The following ABCA13 variants were observed in gnomAD, a reference collection of about 807,000 sequenced individuals.
The protein encoded by ABCA13 is ATP binding cassette subfamily A member 13.
A neutral mutation model predicts 478.7 loss-of-function variants in ABCA13; 476 were observed. The ratio of observed to expected loss-of-function variants is 0.99; its 90% confidence interval spans 0.92 to 1.07. The LOEUF (loss-of-function observed/expected upper bound fraction) is 1.07, where lower values mean the gene tolerates loss of function less well. Among genes scored for constraint, ABCA13 ranks in the 50% least tolerant of loss-of-function variants. ABCA13 has a pLI of 0.00. For synonymous variants in ABCA13, 2,252 were observed against 2,158.9 expected, an observed-to-expected ratio of 1.04 and a Z score of -1.20; for missense variants, 6,060 against 5,910.6, an observed-to-expected ratio of 1.03 and a Z score of -0.83.
chr7:48,547,561 T>C (rs1784928993), intron 55 of ABCA13, among the ~76,000 whole-genome samples: 1 of 151,886 alleles, frequency 6.6e-6, no homozygotes, highest in Non-Finnish European at 1.5e-5. Context: ...GCACCCAGAA[T>C]ACAGTATGTG....
In ABCA13 at chr7:48,273,638, C is replaced by A; in HGVS notation, c.3972C>A (p.Ile1324=). The change falls in exon 17 of 62, where the codon ATC becomes ATA. Residue 1324 remains isoleucine, a synonymous_variant. Coordinates refer to ENST00000435803, the MANE Select transcript of ABCA13 (RefSeq NM_152701.5). ...TNYGEKFENI[I]TELREAIVFL... ...ATGGAGAAAAATTTGAAAATATCAT[C>A]ACTGAGCTAAGAGAAGCAATAGTAT... is the stretch of plus-strand genomic sequence containing the variant. 1 of 1,605,654 alleles carries A rather than the reference C, an allele frequency of 6.2e-7. No individual in the cohort carries two copies. The highest frequency in any genetic ancestry group is 8.5e-7 in the Non-Finnish European group (1 of 1,175,432).
intron 15 of ABCA13, among the ~76,000 whole-genome samples, chr7:48,260,705 A>G (rs1354059329): frequency 6.6e-6 from 1 of 151,966 alleles, no homozygotes; most frequent in Non-Finnish European, 1.5e-5. Flanking sequence ...TGGTCTATAA[A>G]TGTATAAATG....
At chr7:48,530,048 CTT>C (rs1833120802) in intron 55 of ABCA13, among the ~76,000 whole-genome samples, 1 of 152,044 alleles carries the variant, frequency 6.6e-6, no homozygotes, top group African/African-American at 2.4e-5. Flanking sequence ...ATTGTGTAGT[CTT>C]TTATCCCTCA....
chr7:48,208,662 C>T, intron 3 of ABCA13, among the ~76,000 whole-genome samples: 1 of 151,854 alleles, frequency 6.6e-6, no homozygotes, highest in East Asian at 1.9e-4. Context: ...ATTTTGTATC[C>T]TGCAACTTTA....
At chr7:48,234,216 T>A in intron 8 of ABCA13, 65 bp downstream of exon 8, 1 of 1,611,102 alleles carries the variant, frequency 6.2e-7, no homozygotes, top group Non-Finnish European at 8.5e-7. Context: ...TAGAGCATGC[T>A]GCTGGGGCAG....
chr7:48,592,193 A>G (rs1196444038), intron 57 of ABCA13, among the ~76,000 whole-genome samples: 1 of 126,610 alleles, frequency 7.9e-6, no homozygotes, highest in Non-Finnish European at 1.5e-5. Context: ...TTTATTTGAA[A>G]TCTTTCTTTT....
chr7:48,284,887 G>A (rs1797515338), intron 19 of ABCA13, among the ~76,000 whole-genome samples: 2 of 152,114 alleles, frequency 1.3e-5, no homozygotes, highest in Non-Finnish European at 2.9e-5. Flanking sequence ...TGGGCAAATA[G>A]CCCCTCCTCT....
rs114745160 is a variant in ABCA13 at position 48,509,386 on chromosome 7, A to C, written c.13524+1337A>C. Among the ~76,000 whole-genome samples the C allele has an allele frequency of 6.2e-3, 937 of 152,300 alleles. 9 individuals are homozygous for C. Among genetic ancestry groups the C allele is most frequent in the African/African-American group, 0.022 (895 of 41,552 alleles). ...TGTCATTTAACAGTGTCTAAGGGCC[A>C]CAACTTTCCCAGATAAAAGGGAAGA... On this transcript the variant is annotated intron_variant, in intron 50 of 61. Transcript: ENST00000435803.
At chr7:48,450,836 TAAAC>T (rs1355987787) in intron 42 of ABCA13, among the ~76,000 whole-genome samples, 3 of 152,188 alleles carry the variant, frequency 2.0e-5, no homozygotes, top group Admixed American at 1.3e-4. Context: ...CAAAATGTAA[TAAAC>T]ATTCTCTATG....
chr7:48,449,726 T>C (rs963698651), intron 42 of ABCA13, among the ~76,000 whole-genome samples: 3 of 152,334 alleles, frequency 2.0e-5, no homozygotes, highest in Non-Finnish European at 4.4e-5. Flanking sequence ...ACAGATGCAA[T>C]GATTTATGTC....
intron 29 of ABCA13, among the ~76,000 whole-genome samples, chr7:48,342,209 A>C (rs1336804977): frequency 1.3e-5 from 2 of 152,098 alleles, no homozygotes; most frequent in Non-Finnish European, 2.9e-5. Flanking sequence ...ATACGATTTC[A>C]TTTGCTTAAC....
intron 53 of ABCA13, 116 bp downstream of exon 53, chr7:48,520,410 A>G: frequency 8.5e-7 from 1 of 1,182,340 alleles, no homozygotes; most frequent in Non-Finnish European, 1.1e-6. Flanking sequence ...CATTATACAT[A>G]GTTCTAATGC....
At chr7:48,171,646 G>A in intron 1 of ABCA13, 94 bp downstream of exon 1, 8 of 1,351,580 alleles carry the variant, frequency 5.9e-6, no homozygotes, top group Admixed American at 2.0e-5. Flanking sequence ...CTCCTGGCAG[G>A]TAAAAACACT....
intron 20 of ABCA13, among the ~76,000 whole-genome samples, chr7:48,293,957 A>C (rs1304950918): frequency 6.6e-6 from 1 of 152,182 alleles, no homozygotes; most frequent in Non-Finnish European, 1.5e-5. Flanking sequence ...TGTACTGCTG[A>C]CCTTCAGAGC....
chr7:48,489,549 C>A (rs1348953254), intron 48 of ABCA13, among the ~76,000 whole-genome samples: 1 of 152,112 alleles, frequency 6.6e-6, no homozygotes, highest in Admixed American at 6.6e-5. Context: ...TTTTCTTGAA[C>A]CTGTAACCTC....
chr7:48,351,741 C>T (rs1363448177), intron 30 of ABCA13, among the ~76,000 whole-genome samples: 7 of 152,144 alleles, frequency 4.6e-5, no homozygotes, highest in Admixed American at 4.6e-4. Context: ...CACGATTTAG[C>T]TGTGATAGGC....
intron 20 of ABCA13, among the ~76,000 whole-genome samples, chr7:48,292,534 C>T (rs1339428859): frequency 6.6e-6 from 1 of 152,026 alleles, no homozygotes; most frequent in Admixed American, 6.6e-5. Context: ...AATAGGTGTC[C>T]GATTTCTAAG....
intron 3 of ABCA13, among the ~76,000 whole-genome samples, chr7:48,211,558 A>G (rs927279244): frequency 1.3e-4 from 20 of 152,150 alleles, no homozygotes; most frequent in African/African-American, 4.1e-4. Context: ...GTTGGGTCAC[A>G]CCTGAAGCTC....
chr7:48,520,056 T>C lies in ABCA13; in HGVS notation c.13813T>C (p.Tyr4605His), dbSNP rs1832432105. ...ISKAKNLQNI[Y>H]DVLKWVFTIF... Reference sequence around the variant, plus strand: ...CACTGTGCAGAATTTACAGAATATCTATGATGTCCTCAAGTGGGTCTTTAC... The same window carrying C: ...CACTGTGCAGAATTTACAGAATATCCATGATGTCCTCAAGTGGGTCTTTAC... Residue 4605 changes from tyrosine to histidine, a missense_variant, in exon 53 of 62, where the codon TAT becomes CAT. By Grantham distance (83) the Tyr-to-His change is moderately conservative. Coordinates refer to ENST00000435803, the MANE Select transcript of ABCA13 (RefSeq NM_152701.5). 1 of 1,612,102 alleles carries C rather than the reference T, an allele frequency of 6.2e-7. No individual in the cohort carries two copies.
Sources: allele counts gnomAD v4.1 joint callset (sites outside exome capture counted in the v4.1 genomes callset), GRCh38; gene constraint gnomAD v4.1.1; transcripts MANE v1.5; gene names NCBI Gene and HGNC (gene_info 2026-07-23, HGNC 2026-07-21).